Variants in PNPT1 observed in about 807,000 individuals in gnomAD.
PNPT1 encodes the protein polyribonucleotide nucleotidyltransferase 1, mitochondrial.
Under a neutral mutation model 119.5 loss-of-function variants are expected in PNPT1, and 53 were observed. That is an observed-to-expected ratio of 0.44 (90% CI 0.36 to 0.56). The LOEUF is 0.56. PNPT1 is among the 20% of genes least tolerant of loss of function. The pLI, the probability that PNPT1 is intolerant of heterozygous loss-of-function variation, is 0.00. For synonymous variants in PNPT1, 357 were observed against 322.1 expected, an observed-to-expected ratio of 1.11 and a Z score of -1.16; for missense variants, 948 against 938.5, an observed-to-expected ratio of 1.01 and a Z score of -0.13.
intron 15 of PNPT1, among the ~76,000 whole-genome samples, chr2:55,657,625 A>T (rs1197618333): frequency 6.6e-6 from 1 of 151,524 alleles, no homozygotes; most frequent in East Asian, 2.0e-4. Context: ...ACCTCAGGTG[A>T]TCCGCCCGCC....
At chr2:55,650,948 G>A (rs1427285001) in intron 18 of PNPT1, among the ~76,000 whole-genome samples, 1 of 150,028 alleles carries the variant, frequency 6.7e-6, no homozygotes. Context: ...GGGAGGTGGG[G>A]GGATCAGCCC....
At chr2:55,671,480 C>A (rs780320002) in intron 10 of PNPT1, 104 bp from the exon 11 acceptor site, 4 of 587,966 alleles carry the variant, frequency 6.8e-6, no homozygotes, top group African/African-American at 2.0e-5. Context: ...ACTCTGATTT[C>A]TTTAATATTC....
In PNPT1 at chr2:55,685,005, G is replaced by T; in HGVS notation, c.341C>A (p.Thr114Lys). 6.3e-7 allele frequency: 1 copy of T among 1,597,320 alleles called. No homozygotes were observed. The highest frequency in any genetic ancestry group is 8.6e-7 in the Non-Finnish European group (1 of 1,168,268). Reference sequence around the variant, plus strand: ...ACCAATCTCTCTTCTCAGATAGTTTGTGGGAATTCTACCTGCTGCAGCAGC... The same window carrying T: ...ACCAATCTCTCTTCTCAGATAGTTTTTGGGAATTCTACCTGCTGCAGCAGC... ...QKAAAAGRIP[T>K]NYLRREIGTS... is the part of the protein sequence containing the mutation. Residue 114 changes from threonine to lysine, a missense_variant, in exon 4 of 28, where the codon ACA becomes AAA. Thr to Lys is a moderately conservative substitution (Grantham distance 78). Transcript: ENST00000447944.
intron 1 of PNPT1, among the ~76,000 whole-genome samples, chr2:55,692,595 C>T (rs1697651623): frequency 6.6e-6 from 1 of 152,128 alleles, no homozygotes; most frequent in Admixed American, 6.5e-5. Flanking sequence ...CACCTAGTCC[C>T]ATAATACTAA....
intron 18 of PNPT1, among the ~76,000 whole-genome samples, chr2:55,651,071 T>TG (rs1182151398): frequency 6.3e-5 from 6 of 94,648 alleles, no homozygotes; most frequent in South Asian, 3.5e-4. Context: ...AGGAGGGAGG[T>TG]GGGGGGGTCA....
At chr2:55,653,522 A>C (rs1022848745) in intron 18 of PNPT1, among the ~76,000 whole-genome samples, 2 of 152,242 alleles carry the variant, frequency 1.3e-5, no homozygotes, top group Non-Finnish European at 2.9e-5. Flanking sequence ...GAGAAACACA[A>C]GTGCCATGAA....
intron 18 of PNPT1, among the ~76,000 whole-genome samples, chr2:55,648,152 T>C (rs2104041217): frequency 6.6e-6 from 1 of 152,370 alleles, no homozygotes; most frequent in African/African-American, 2.4e-5. Flanking sequence ...TGTATCCTCC[T>C]AGAAAATTTC....
chr2:55,681,811 TC>T (rs1291022648), intron 5 of PNPT1, among the ~76,000 whole-genome samples: 2 of 132,090 alleles, frequency 1.5e-5, no homozygotes, highest in East Asian at 4.5e-4. Context: ...GCCATTGGTC[TC>T]CAGCCTGGGC....
chr2:55,664,127 T>G (rs1470983974), intron 13 of PNPT1, among the ~76,000 whole-genome samples: 1 of 152,240 alleles, frequency 6.6e-6, no homozygotes, highest in Non-Finnish European at 1.5e-5. Context: ...TATAAAAGCC[T>G]ATCTTTTTCT....
At chr2:55,650,095 T>C (rs553263019) in intron 18 of PNPT1, among the ~76,000 whole-genome samples, 1 of 152,230 alleles carries the variant, frequency 6.6e-6, no homozygotes, top group Non-Finnish European at 1.5e-5. Flanking sequence ...GAAGGATTGG[T>C]AAAGAATTCT....
chr2:55,683,603 A>T, intron 5 of PNPT1, among the ~76,000 whole-genome samples, 182 bp downstream of exon 5: 1 of 138,488 alleles, frequency 7.2e-6, no homozygotes. Flanking sequence ...ACAAAGTGAG[A>T]CTCTGTCTCA....
At chr2:55,678,793 T>G (rs1697160797) in intron 8 of PNPT1, among the ~76,000 whole-genome samples, 1 of 152,212 alleles carries the variant, frequency 6.6e-6, no homozygotes, top group African/African-American at 2.4e-5. Flanking sequence ...CCCCAACTAA[T>G]ATGTGGGGAT....
intron 8 of PNPT1, among the ~76,000 whole-genome samples, chr2:55,676,178 T>C (rs1212021888): frequency 7.0e-6 from 1 of 143,812 alleles, no homozygotes; most frequent in Admixed American, 7.4e-5. Flanking sequence ...GAGAATCGCT[T>C]GAACCTGGAG....
intron 1 of PNPT1, among the ~76,000 whole-genome samples, chr2:55,693,110 C>T (rs1697673466): frequency 6.6e-6 from 1 of 152,134 alleles, no homozygotes. Context: ...AGGTCTTAAA[C>T]GAATATTTCC....
chr2:55,658,814 A>G (rs1373568650), intron 15 of PNPT1, among the ~76,000 whole-genome samples: 1 of 152,232 alleles, frequency 6.6e-6, no homozygotes, highest in Non-Finnish European at 1.5e-5. Flanking sequence ...ATTCTGTAGC[A>G]TATAATTTCT....
At chr2:55,648,398 C>T (rs1359458902) in intron 18 of PNPT1, among the ~76,000 whole-genome samples, 3 of 152,144 alleles carry the variant, frequency 2.0e-5, no homozygotes, top group South Asian at 2.1e-4. Flanking sequence ...TGTGCATTTA[C>T]GTTTGTTAGA....
chr2:55,683,984 G>A (rs1408127372), intron 4 of PNPT1, 150 bp from the exon 5 acceptor site: 7 of 669,140 alleles, frequency 1.0e-5, no homozygotes, highest in Admixed American at 3.1e-5. Flanking sequence ...ATAAATGTCA[G>A]TGCTTCCATT....
At chr2:55,664,462 T>C (rs566901813) in intron 13 of PNPT1, among the ~76,000 whole-genome samples, 1 of 152,252 alleles carries the variant, frequency 6.6e-6, no homozygotes, top group Non-Finnish European at 1.5e-5. Context: ...AATATATAAA[T>C]AAAAAGTTGT....
intron 26 of PNPT1, among the ~76,000 whole-genome samples, chr2:55,638,356 A>G (rs1695739819): frequency 6.6e-6 from 1 of 151,924 alleles, no homozygotes; most frequent in Non-Finnish European, 1.5e-5. Flanking sequence ...AGATGTATTA[A>G]GAACATAAAA....
Sources: allele counts gnomAD v4.1 joint callset (sites outside exome capture counted in the v4.1 genomes callset), GRCh38; gene constraint gnomAD v4.1.1; transcripts MANE v1.5; gene names NCBI Gene and HGNC (gene_info 2026-07-23, HGNC 2026-07-21).